The following CELF2 variants were observed in gnomAD, a reference collection of about 807,000 sequenced individuals.
CELF2 encodes the protein CUG triplet repeat RNA-binding protein 2.
In CELF2, 8 loss-of-function variants were observed where a neutral mutation model predicts 62.6. The ratio of observed to expected loss-of-function variants is 0.13; its 90% CI spans 0.07 to 0.23. CELF2 has a LOEUF of 0.23. Among genes scored for constraint, CELF2 ranks in the 10% least tolerant of loss-of-function variants. The pLI is 1.00. For synonymous variants in CELF2, 258 were observed against 250.0 expected, an observed-to-expected ratio of 1.03 and a Z score of -0.30; for missense variants, 333 against 671.0, an observed-to-expected ratio of 0.50 and a Z score of 5.56.
At chr10:10,647,881 C>G in the CELF2 span, among the ~76,000 whole-genome samples, 5 of 152,148 alleles carry the variant, frequency 3.3e-5, no homozygotes, top group African/African-American at 1.2e-4. Context: ...TTAACTGAAT[C>G]CTGGGCACTG....
the CELF2 span, among the ~76,000 whole-genome samples, chr10:10,607,522 A>C: frequency 6.6e-6 from 1 of 152,198 alleles, no homozygotes; most frequent in Non-Finnish European, 1.5e-5. Flanking sequence ...GATTTCCCCC[A>C]AAACACAATG....
the CELF2 span, among the ~76,000 whole-genome samples, chr10:10,497,189 T>C: frequency 8.2e-6 from 1 of 122,070 alleles, no homozygotes; most frequent in Non-Finnish European, 1.6e-5. Flanking sequence ...CAAGACTCCA[T>C]CTAAAAAAAA....
chr10:10,825,699 C>T (rs557315536), intron 1 of CELF2, among the ~76,000 whole-genome samples: 1 of 152,286 alleles, frequency 6.6e-6, no homozygotes, highest in East Asian at 1.9e-4. Flanking sequence ...GACTTCTCTG[C>T]AAAGTAATAT....
intron 2 of CELF2, among the ~76,000 whole-genome samples, chr10:11,186,204 T>C (rs899376036): frequency 9.9e-5 from 15 of 152,124 alleles, no homozygotes; most frequent in Non-Finnish European, 2.1e-4. Flanking sequence ...ATACTCCTGG[T>C]ACTGTTAATT....
the CELF2 span, among the ~76,000 whole-genome samples, chr10:10,739,865 G>T: frequency 6.6e-6 from 1 of 152,146 alleles, no homozygotes; most frequent in Non-Finnish European, 1.5e-5. Flanking sequence ...ACCTTTTCGA[G>T]ACTGTTGGTC....
At chr10:10,627,275 G>A in the CELF2 span, among the ~76,000 whole-genome samples, 2 of 152,210 alleles carry the variant, frequency 1.3e-5, no homozygotes, top group Non-Finnish European at 2.9e-5. Flanking sequence ...GGGGTAAAGT[G>A]TAGAATTTTT....
chr10:10,650,382 G>A, the CELF2 span, among the ~76,000 whole-genome samples: 7 of 152,002 alleles, frequency 4.6e-5, no homozygotes, highest in Non-Finnish European at 1.0e-4. Flanking sequence ...CTTCCCATTT[G>A]ACTTAAAATG....
At chr10:10,726,890 G>C in the CELF2 span, among the ~76,000 whole-genome samples, 1 of 152,214 alleles carries the variant, frequency 6.6e-6, no homozygotes, top group Non-Finnish European at 1.5e-5. Context: ...GGTTCTGCAG[G>C]CTGTACAGAA....
chr10:10,931,081 T>C lies in CELF2; in HGVS notation c.89+11082T>C, dbSNP rs1399605576. 6.6e-6 allele frequency among the ~76,000 whole-genome samples: 1 copy of C among 152,242 alleles called. No individual in the cohort carries two copies. The highest frequency in any genetic ancestry group is 1.5e-5 in the Non-Finnish European group (1 of 68,034). On this transcript the variant is annotated intron_variant, in intron 2 of 13. Coordinates refer to the CELF2 transcript ENST00000636488. This position sits in a 1 kb window ranked among gnomAD's most constrained non-coding sequence, Gnocchi z 6.1. ...AATAAAATTTATTCCCATGTATACA[T>C]AGATAGTTTTAAACCCTGTAAACCT...
chr10:10,520,641 G>A, the CELF2 span, among the ~76,000 whole-genome samples: 2 of 152,130 alleles, frequency 1.3e-5, no homozygotes, highest in East Asian at 1.9e-4. Flanking sequence ...AACAGCAGCC[G>A]GAAAGCCAAA....
At chr10:11,190,894 A>C (rs2134469912) in intron 2 of CELF2, among the ~76,000 whole-genome samples, 1 of 150,492 alleles carries the variant, frequency 6.6e-6, no homozygotes, top group Middle Eastern at 3.4e-3. Context: ...GGGCTGGAGC[A>C]GGAGGGAACA....
the CELF2 span, chr10:10,784,491 G>A: frequency 1.3e-5 from 2 of 152,446 alleles, no homozygotes; most frequent in African/African-American, 4.8e-5. Context: ...TTGGTGAGAT[G>A]GATGGGGAGC....
chr10:11,023,819 T>C lies in CELF2; in HGVS notation c.74+5656T>C, dbSNP rs79430828. Among the ~76,000 whole-genome samples, 26 of 152,356 alleles carry C rather than the reference T, an allele frequency of 1.7e-4. No homozygotes were observed. The East Asian group carries it at 4.2e-3, about 25-fold the overall frequency. ...CCTGGAGTTTTATGAACAGTCTCTT[T>C]TATGAACTGCAGATTGTATGTTCTG... is the stretch of plus-strand genomic sequence containing the variant. On this transcript the variant is annotated intron_variant, in intron 1 of 12. Coordinates refer to ENST00000633077, the MANE Select transcript of CELF2 (RefSeq NM_001326342.2).
chr10:10,943,328 A>C (rs1177486790), intron 2 of CELF2, among the ~76,000 whole-genome samples: 1 of 152,202 alleles, frequency 6.6e-6, no homozygotes, highest in East Asian at 1.9e-4. Context: ...TGAGGGGCAG[A>C]ACTCCCACAT....
chr10:10,848,024 C>G (rs926469091), intron 1 of CELF2, among the ~76,000 whole-genome samples: 4 of 152,140 alleles, frequency 2.6e-5, no homozygotes, highest in African/African-American at 9.7e-5. Context: ...CTCCCTCTCT[C>G]CCTCTCTCCT....
chr10:10,469,539 A>T, the CELF2 span, among the ~76,000 whole-genome samples: 12 of 151,812 alleles, frequency 7.9e-5, no homozygotes, highest in African/African-American at 2.9e-4. Flanking sequence ...TGAACTGAGG[A>T]TCTGATTTGC....
At chr10:11,216,890 G>A (rs1189397863) in intron 2 of CELF2, among the ~76,000 whole-genome samples, 1 of 152,210 alleles carries the variant, frequency 6.6e-6, no homozygotes, top group African/African-American at 2.4e-5. Context: ...AATGAGTATT[G>A]AGGGTCATAT....
chr10:10,812,377 A>T (rs1224851126), intron 1 of CELF2, among the ~76,000 whole-genome samples: 1 of 152,166 alleles, frequency 6.6e-6, no homozygotes, highest in African/African-American at 2.4e-5. Flanking sequence ...CAACATGTGG[A>T]AATTATGGAA....
At chr10:10,710,390 C>G in the CELF2 span, among the ~76,000 whole-genome samples, 1 of 152,140 alleles carries the variant, frequency 6.6e-6, no homozygotes, top group Non-Finnish European at 1.5e-5. Context: ...ACCAGAACTT[C>G]GTATCTTGAA....
Sources: gnomAD v4.1 joint callset for allele counts (sites outside exome capture counted in the v4.1 genomes callset) on GRCh38, gnomAD v4.1.1 for gene constraint, Gnocchi (gnomAD v3.1) non-coding constraint, MANE v1.5 for transcripts, NCBI Gene and HGNC (gene_info 2026-07-23, HGNC 2026-07-21) for gene names.